The following UNC13C variants were observed in gnomAD, a reference collection of about 807,000 sequenced individuals.
UNC13C encodes unc-13 homolog C, also known as protein unc-13 homolog C.
In UNC13C, 174 loss-of-function variants were observed where a neutral mutation model predicts 245.4. That is an observed-to-expected ratio of 0.71 (90% confidence interval 0.63 to 0.80). UNC13C has a LOEUF of 0.80. UNC13C is among the 30% of genes least tolerant of loss of function. UNC13C has a pLI of 0.00. For synonymous variants in UNC13C, 992 were observed against 895.1 expected (o/e 1.11, Z -1.93); for missense variants, 2,829 against 2,602.9 (o/e 1.09, Z -1.89).
chr15:54,289,112 A>T (rs1193995636), intron 10 of UNC13C, among the ~76,000 whole-genome samples: 2 of 152,022 alleles, frequency 1.3e-5, no homozygotes, highest in African/African-American at 4.8e-5. Flanking sequence ...GGCTTTTCTC[A>T]ACCCTGCAGA....
chr15:54,618,149 G>A (rs923985125), intron 30 of UNC13C, among the ~76,000 whole-genome samples: 10 of 152,110 alleles, frequency 6.6e-5, no homozygotes, highest in African/African-American at 2.4e-4. Flanking sequence ...CCAGTAAGGT[G>A]CTTATTAATC....
At chr15:54,223,562 G>GTTTTGT (rs753733399) in intron 4 of UNC13C, among the ~76,000 whole-genome samples, 7 of 151,304 alleles carry the variant, frequency 4.6e-5, no homozygotes, top group South Asian at 2.1e-4. Context: ...TTGTTTGTAT[G>GTTTTGT]TTTTGTTTTT....
intron 16 of UNC13C, among the ~76,000 whole-genome samples, chr15:54,336,261 T>C (rs60438769): frequency 0.26 from 38,781 of 151,918 alleles, 5,314 homozygotes; most frequent in Admixed American, 0.34. Flanking sequence ...AATTAACGTA[T>C]GCATTACCTC....
chr15:53,967,081 C>G, the UNC13C span, among the ~76,000 whole-genome samples: 1 of 151,908 alleles, frequency 6.6e-6, no homozygotes, highest in Non-Finnish European at 1.5e-5. Context: ...TTTTCCAATA[C>G]GAATTTGTTA....
intron 24 of UNC13C, among the ~76,000 whole-genome samples, chr15:54,520,276 C>T (rs1895158479): frequency 6.6e-6 from 1 of 152,096 alleles, no homozygotes. Flanking sequence ...GGGAAGAAAA[C>T]AGAAGTCAAA....
At chr15:53,976,436 C>T (rs1197703576), upstream of UNC13C, among the ~76,000 whole-genome samples, 1 of 137,726 alleles carries the variant, frequency 7.3e-6, no homozygotes, top group Non-Finnish European at 1.6e-5. Flanking sequence ...GCACTACATA[C>T]ATGGTGTTTT....
chr15:54,315,021 C>T (rs1158825455), intron 13 of UNC13C, among the ~76,000 whole-genome samples: 1 of 151,700 alleles, frequency 6.6e-6, no homozygotes, highest in African/African-American at 2.4e-5. Context: ...TCCATTTTCA[C>T]TTCTACACTT....
intron 19 of UNC13C, among the ~76,000 whole-genome samples, chr15:54,476,433 T>C (rs1051727079): frequency 5.9e-4 from 90 of 151,432 alleles, no homozygotes; most frequent in African/African-American, 2.2e-3. Flanking sequence ...AGGGTTTTTA[T>C]GGTTTTAGGT....
chr15:54,257,059 C>G (rs1420165650), intron 8 of UNC13C, among the ~76,000 whole-genome samples: 14 of 152,070 alleles, frequency 9.2e-5, no homozygotes, highest in Non-Finnish European at 1.5e-5. Context: ...AGCAAAGTTC[C>G]TAGAAGTCAG....
At chr15:54,110,450 A>G (rs1352497633) in intron 2 of UNC13C, among the ~76,000 whole-genome samples, 1 of 152,176 alleles carries the variant, frequency 6.6e-6, no homozygotes, top group African/African-American at 2.4e-5. Context: ...TGTAAAATCA[A>G]ATTCTGTCTT....
At chr15:54,401,865 T>C (rs1306968193) in intron 18 of UNC13C, among the ~76,000 whole-genome samples, 1 of 152,106 alleles carries the variant, frequency 6.6e-6, no homozygotes. Context: ...TTTTCTTGGG[T>C]TCCAGTACAA....
chr15:54,406,912 A>G (rs1274926820), intron 18 of UNC13C, among the ~76,000 whole-genome samples: 1 of 152,186 alleles, frequency 6.6e-6, no homozygotes, highest in Non-Finnish European at 1.5e-5. Flanking sequence ...AGAAGAGAGA[A>G]CAGGAAGGTG....
At chr15:54,615,331 G>C (rs1900360211) in intron 30 of UNC13C, among the ~76,000 whole-genome samples, 1 of 151,998 alleles carries the variant, frequency 6.6e-6, no homozygotes, top group East Asian at 1.9e-4. Context: ...GTTACTGATA[G>C]ATGCAGTGGT....
intron 19 of UNC13C, among the ~76,000 whole-genome samples, chr15:54,422,556 T>C (rs143221540): frequency 6.6e-6 from 1 of 152,068 alleles, no homozygotes; most frequent in African/African-American, 2.4e-5. Context: ...CTCATTCACG[T>C]TCCTCTCACT....
chr15:54,457,462 T>G (rs2141019580), intron 19 of UNC13C, among the ~76,000 whole-genome samples: 1 of 152,254 alleles, frequency 6.6e-6, no homozygotes, highest in African/African-American at 2.4e-5. Context: ...GTACCCATTC[T>G]TCTTTGAATG....
At chr15:53,875,042 G>A in the UNC13C span, among the ~76,000 whole-genome samples, 2 of 152,112 alleles carry the variant, frequency 1.3e-5, no homozygotes, top group East Asian at 3.9e-4. Flanking sequence ...GCAGTGAGCT[G>A]AGATTGTGCC....
the UNC13C span, among the ~76,000 whole-genome samples, chr15:53,897,574 C>A: frequency 6.6e-6 from 1 of 152,182 alleles, no homozygotes; most frequent in Non-Finnish European, 1.5e-5. Context: ...GCCATGGAAC[C>A]TGGCTATACA....
At chr15:54,326,978 C>A (rs1326691723) in intron 14 of UNC13C, among the ~76,000 whole-genome samples, 1 of 151,856 alleles carries the variant, frequency 6.6e-6, no homozygotes, top group East Asian at 1.9e-4. Context: ...TTTCAGAGAG[C>A]CACTTTACCA....
chr15:54,057,616 A>G (rs2141067930), intron 2 of UNC13C, among the ~76,000 whole-genome samples: 1 of 152,334 alleles, frequency 6.6e-6, no homozygotes, highest in Middle Eastern at 3.4e-3. Flanking sequence ...TGGACCTAAT[A>G]GACATCTACA....
Sources: gnomAD v4.1 joint callset for allele counts (sites outside exome capture counted in the v4.1 genomes callset) on GRCh38, gnomAD v4.1.1 for gene constraint, MANE v1.5 for transcripts, NCBI Gene and HGNC (gene_info 2026-07-23, HGNC 2026-07-21) for gene names.